Variants in NTNG1 observed in about 807,000 individuals in gnomAD.
NTNG1 encodes netrin G1.
In NTNG1, 16 loss-of-function variants were observed where a neutral mutation model predicts 54.0. The observed-to-expected ratio is 0.30, with a 90% CI of 0.20 to 0.45. The LOEUF (loss-of-function observed/expected upper bound fraction) is 0.45. NTNG1 is among the 20% of genes least tolerant of loss of function. NTNG1 has a pLI of 1.00. For missense variants in NTNG1, 530 were observed against 678.7 expected (o/e 0.78, Z 2.43); for synonymous variants, 255 against 263.1 (o/e 0.97, Z 0.30).
At chr1:107,424,749 C>A (rs561306924) in intron 5 of NTNG1, among the ~76,000 whole-genome samples, 1 of 152,178 alleles carries the variant, frequency 6.6e-6, no homozygotes, top group South Asian at 2.1e-4. Flanking sequence ...TATAAAACGT[C>A]CAAGTGGAAA....
At chr1:107,358,952 C>T (rs1463329714) in intron 3 of NTNG1, among the ~76,000 whole-genome samples, 2 of 152,172 alleles carry the variant, frequency 1.3e-5, no homozygotes, top group Admixed American at 1.3e-4. Flanking sequence ...TGGCCAACTG[C>T]TACAAGGCTG....
At chr1:107,345,988 A>T (rs1049632694) in intron 3 of NTNG1, among the ~76,000 whole-genome samples, 1 of 152,176 alleles carries the variant, frequency 6.6e-6, no homozygotes, top group African/African-American at 2.4e-5. Context: ...GAAAAGGTAC[A>T]GTTACATCAA....
rs998824919 is a variant in NTNG1 at position 107,319,816 on chromosome 1, C to T, written c.247-4466C>T. ...TAGGTAAAGCTTGGAAAGGCAAAGT[C>T]AAAATGATAGCAACCGGAAGTGTTA... On this transcript the variant is annotated intron_variant, in intron 2 of 7. Transcript: ENST00000370068. 5.3e-5 allele frequency among the ~76,000 whole-genome samples: 8 copies of T among 151,332 alleles called. No homozygotes were observed. In the South Asian group the frequency reaches 1.7e-3, roughly 32 times the overall value.
At chr1:107,278,170 C>T (rs1435462702) in intron 2 of NTNG1, among the ~76,000 whole-genome samples, 1 of 152,188 alleles carries the variant, frequency 6.6e-6, no homozygotes, top group African/African-American at 2.4e-5. Context: ...TAATCCATTA[C>T]TTCCTTGAAG....
intron 1 of NTNG1, among the ~76,000 whole-genome samples, chr1:107,144,388 GA>G (rs755591177): frequency 5.3e-5 from 8 of 151,832 alleles, no homozygotes; most frequent in South Asian, 2.1e-4. Flanking sequence ...GAATATTTAT[GA>G]AAAAAATAGC....
At chr1:107,465,685 A>C (rs992444332) in intron 7 of NTNG1, among the ~76,000 whole-genome samples, 3 of 152,176 alleles carry the variant, frequency 2.0e-5, no homozygotes, top group African/African-American at 7.2e-5. Flanking sequence ...ACACCTCTAC[A>C]GGGGCAGGCA....
chr1:107,267,443 A>T (rs901804818), intron 2 of NTNG1, among the ~76,000 whole-genome samples: 1 of 152,202 alleles, frequency 6.6e-6, no homozygotes, highest in African/African-American at 2.4e-5. Flanking sequence ...ATCAATATCA[A>T]CCCAGTTGTT....
chr1:107,189,798 A>G (rs1276781305), intron 2 of NTNG1, among the ~76,000 whole-genome samples: 6 of 139,438 alleles, frequency 4.3e-5, no homozygotes, highest in Non-Finnish European at 7.8e-5. Context: ...GCAAACAGCT[A>G]TGGCCTACCA....
chr1:107,383,406 AT>A (rs1486689112), intron 3 of NTNG1, among the ~76,000 whole-genome samples: 1 of 152,232 alleles, frequency 6.6e-6, no homozygotes, highest in Admixed American at 6.5e-5. Context: ...AGAAATTATC[AT>A]GGTATAGTTC....
intron 3 of NTNG1, among the ~76,000 whole-genome samples, chr1:107,362,292 G>T (rs956134032): frequency 3.9e-5 from 6 of 152,146 alleles, no homozygotes; most frequent in African/African-American, 1.4e-4. Context: ...TGGAAATTCT[G>T]GATGCACTAG....
At chr1:107,450,294 T>C (rs2101478354) in intron 7 of NTNG1, among the ~76,000 whole-genome samples, 1 of 152,262 alleles carries the variant, frequency 6.6e-6, no homozygotes, top group South Asian at 2.1e-4. Context: ...GACAAATATT[T>C]AGTGTTGAAA....
chr1:107,387,991 G>A (rs376528824), intron 3 of NTNG1, among the ~76,000 whole-genome samples: 3 of 152,152 alleles, frequency 2.0e-5, no homozygotes, highest in African/African-American at 7.2e-5. Context: ...ATATTGTCAT[G>A]ATTAGATACA....
chr1:107,149,443 T>C lies in NTNG1; in HGVS notation c.246+604T>C, dbSNP rs546250616. Among the ~76,000 whole-genome samples, 6 of 152,308 alleles carry C rather than the reference T, an allele frequency of 3.9e-5. No homozygotes were observed. In the East Asian group the frequency reaches 1.2e-3, roughly 29 times the overall value. On this transcript the variant is annotated intron_variant, in intron 2 of 7. Coordinates refer to ENST00000370068, the MANE Select transcript of NTNG1 (RefSeq NM_001113226.3). ...CCAACTCCCCTTATTGTCAAGGTCA[T>C]AGTTTTCTATGTATATTTTAAAGAT...
chr1:107,381,260 C>CCTA (rs1326642484), intron 3 of NTNG1, among the ~76,000 whole-genome samples: 1 of 144,502 alleles, frequency 6.9e-6, no homozygotes, highest in Admixed American at 7.3e-5. Context: ...AAGTCACTAG[C>CCTA]CTAAGGTCAA....
intron 5 of NTNG1, among the ~76,000 whole-genome samples, chr1:107,429,599 A>G (rs1418262843): frequency 1.3e-5 from 2 of 152,174 alleles, no homozygotes; most frequent in African/African-American, 4.8e-5. Flanking sequence ...CTAGTGGGAT[A>G]AAATAAAAGC....
chr1:107,167,435 A>G (rs746035570), intron 2 of NTNG1, among the ~76,000 whole-genome samples: 8 of 151,890 alleles, frequency 5.3e-5, no homozygotes, highest in Non-Finnish European at 1.2e-4. Context: ...ACCCATATTT[A>G]TTATACTAAT....
chr1:107,363,742 C>G (rs1670426467), intron 3 of NTNG1, among the ~76,000 whole-genome samples: 1 of 152,162 alleles, frequency 6.6e-6, no homozygotes. Flanking sequence ...TCATATTGAT[C>G]ACTTGCTTTC....
chr1:107,319,081 TC>T (rs1203146813), intron 2 of NTNG1, among the ~76,000 whole-genome samples: 2 of 152,194 alleles, frequency 1.3e-5, no homozygotes, highest in South Asian at 2.1e-4. Flanking sequence ...TACTGACTTG[TC>T]TCTGCCTCTC....
In NTNG1 at chr1:107,386,165, A is replaced by ATATT. The variant is rs1307492654; in HGVS notation, c.888-8988_888-8987insATTT. ...TATATGTGTGTATATATATATATAT[A>ATATT]TTTTTTTTTTTTTCTTCCTTTGAAA... On this transcript the variant is annotated intron_variant, in intron 3 of 7. Transcript: ENST00000370068. 4.2e-3 allele frequency among the ~76,000 whole-genome samples: 502 copies of ATATT among 120,744 alleles called. 12 individuals carry two copies. The highest frequency in any genetic ancestry group is 5.2e-3 in the Non-Finnish European group (285 of 55,230). 79.2% of individuals were successfully genotyped at this position (120,744 alleles called of 152,430 possible).
Sources: gnomAD v4.1 joint callset for allele counts (sites outside exome capture counted in the v4.1 genomes callset) on GRCh38, gnomAD v4.1.1 for gene constraint, MANE v1.5 for transcripts, NCBI Gene and HGNC (gene_info 2026-07-23, HGNC 2026-07-21) for gene names.